CADPS: variants seen among roughly 807,000 people sequenced by gnomAD.
CADPS encodes calcium dependent secretion activator, also known as calcium-dependent secretion activator 1.
A neutral mutation model predicts 167.3 loss-of-function variants in CADPS; 57 were observed. The observed-to-expected ratio is 0.34, with a 90% CI of 0.28 to 0.42. CADPS has a LOEUF of 0.42. Among genes scored for constraint, CADPS ranks in the 20% least tolerant of loss-of-function variants. The pLI, the probability that CADPS is intolerant of heterozygous loss-of-function variation, is 1.00. For synonymous variants in CADPS, 676 were observed against 635.3 expected, an observed-to-expected ratio of 1.06 and a Z score of -0.96; for missense variants, 1,414 against 1,738.1, an observed-to-expected ratio of 0.81 and a Z score of 3.32.
chr3:62,659,192 G>T (rs1268209471), intron 4 of CADPS, among the ~76,000 whole-genome samples: 1 of 152,074 alleles, frequency 6.6e-6, no homozygotes, highest in African/African-American at 2.4e-5. Context: ...CAGCCATATG[G>T]GTTGAATTGC....
intron 1 of CADPS, among the ~76,000 whole-genome samples, chr3:62,772,285 A>C (rs1217001604): frequency 6.6e-6 from 1 of 151,824 alleles, no homozygotes; most frequent in Non-Finnish European, 1.5e-5. Flanking sequence ...TGGCCCTTCT[A>C]GTTTAGAGGC....
intron 8 of CADPS, among the ~76,000 whole-genome samples, chr3:62,576,132 G>C (rs1055140421): frequency 6.6e-6 from 1 of 152,170 alleles, no homozygotes; most frequent in African/African-American, 2.4e-5. Context: ...TATTTGTGTG[G>C]GCATTAGTGG....
chr3:62,715,992 G>A (rs1299426604), intron 3 of CADPS, among the ~76,000 whole-genome samples: 3 of 151,970 alleles, frequency 2.0e-5, no homozygotes, highest in South Asian at 2.1e-4. Flanking sequence ...TGATCCACCC[G>A]CCTCAGCCTC....
intron 8 of CADPS, among the ~76,000 whole-genome samples, chr3:62,576,286 C>T (rs6777532): frequency 6.6e-6 from 1 of 152,134 alleles, no homozygotes; most frequent in Non-Finnish European, 1.5e-5. Flanking sequence ...AGTGGGAATT[C>T]TGGCCCTGTC....
chr3:62,754,958 C>T (rs2152429389), intron 2 of CADPS, among the ~76,000 whole-genome samples: 1 of 152,298 alleles, frequency 6.6e-6, no homozygotes, highest in South Asian at 2.1e-4. Flanking sequence ...GAAATGTAAA[C>T]TCTACTTGGG....
chr3:62,807,822 G>A (rs1276611004), intron 1 of CADPS, among the ~76,000 whole-genome samples: 2 of 151,884 alleles, frequency 1.3e-5, no homozygotes, highest in Non-Finnish European at 2.9e-5. Flanking sequence ...TCAAGAGGGT[G>A]CTATTTCCCA....
chr3:62,415,521 C>T (rs1003000714), intron 28 of CADPS, among the ~76,000 whole-genome samples: 1 of 151,978 alleles, frequency 6.6e-6, no homozygotes, highest in African/African-American at 2.4e-5. Flanking sequence ...GCCGGCAACT[C>T]GACATTCAAA....
chr3:62,717,944 C>G (rs2084997987), intron 3 of CADPS, among the ~76,000 whole-genome samples: 2 of 152,176 alleles, frequency 1.3e-5, no homozygotes, highest in Non-Finnish European at 2.9e-5. Flanking sequence ...TTGCTGTTCC[C>G]TCTACCTGGA....
intron 8 of CADPS, among the ~76,000 whole-genome samples, chr3:62,582,755 A>G (rs141153456): frequency 5.3e-4 from 80 of 152,324 alleles, no homozygotes; most frequent in African/African-American, 1.9e-3. Flanking sequence ...AAGTCCAGCA[A>G]TATGAAATAG....
intron 24 of CADPS, among the ~76,000 whole-genome samples, chr3:62,468,214 T>C (rs921052987): frequency 6.6e-6 from 1 of 152,160 alleles, no homozygotes; most frequent in Non-Finnish European, 1.5e-5. Flanking sequence ...GGGCTCCAAA[T>C]TCATTTTTAG....
intron 3 of CADPS, among the ~76,000 whole-genome samples, chr3:62,713,615 G>T (rs2083835092): frequency 6.6e-6 from 1 of 152,240 alleles, no homozygotes; most frequent in African/African-American, 2.4e-5. Context: ...CTGCTCTGCT[G>T]CTGCTGTACC....
chr3:62,753,434 A>C lies in CADPS; in HGVS notation c.888+7T>G. ...ACAGCTCTAGGCCCAGGCGAGAAAC[A>C]CCTTACCTGGCAGGCATTGTAAAGG... On this transcript the variant is annotated splice_region_variant and intron_variant, in intron 3 of 29. Coordinates refer to ENST00000383710, the MANE Select transcript of CADPS (RefSeq NM_003716.4). The surrounding 1 kb of genome is among the most constrained non-coding windows in gnomAD (Gnocchi z 4.6). The C allele has an allele frequency of 6.2e-7, 1 of 1,600,812 alleles. No individual in the cohort carries two copies. Among genetic ancestry groups the C allele is most frequent in the Non-Finnish European group, 8.5e-7 (1 of 1,170,574 alleles).
chr3:62,865,473 GAATT>G (rs1181011319), intron 1 of CADPS, among the ~76,000 whole-genome samples: 2 of 150,978 alleles, frequency 1.3e-5, no homozygotes, highest in Admixed American at 1.3e-4. Flanking sequence ...AGCACGTGAT[GAATT>G]AATATTTTCC....
intron 5 of CADPS, among the ~76,000 whole-genome samples, chr3:62,647,881 A>T (rs13088049): frequency 0.26 from 38,935 of 152,114 alleles, 5,369 homozygotes; most frequent in East Asian, 0.5. Context: ...TTATGATGAA[A>T]AAGCACCTGG....
intron 6 of CADPS, among the ~76,000 whole-genome samples, chr3:62,640,999 T>C (rs2149951093): frequency 6.6e-6 from 1 of 152,316 alleles, no homozygotes; most frequent in South Asian, 2.1e-4. Flanking sequence ...CATTTCCGTA[T>C]ACCAAGATAC....
intron 1 of CADPS, among the ~76,000 whole-genome samples, chr3:62,839,358 T>G (rs1446286109): frequency 6.6e-6 from 1 of 151,978 alleles, no homozygotes; most frequent in Non-Finnish European, 1.5e-5. Context: ...GCCTGGCTAT[T>G]TTTTGTATTT....
At chr3:62,452,357 G>C (rs34539406) in intron 26 of CADPS, among the ~76,000 whole-genome samples, 55,615 of 151,534 alleles carry the variant, frequency 0.37, 11,621 homozygotes, top group East Asian at 0.53. Context: ...GAAAATACAA[G>C]TAACATTCAA....
intron 3 of CADPS, among the ~76,000 whole-genome samples, chr3:62,740,597 T>C (rs1320073631): frequency 6.6e-6 from 1 of 152,144 alleles, no homozygotes; most frequent in Non-Finnish European, 1.5e-5. Flanking sequence ...CCAGCTCACC[T>C]AATACCTTCT....
chr3:62,651,144 C>T (rs2070013369), intron 4 of CADPS, 64 bp from the exon 5 acceptor site: 2 of 1,157,278 alleles, frequency 1.7e-6, no homozygotes, highest in Non-Finnish European at 2.5e-6. Flanking sequence ...TAAAGAAGGT[C>T]TTTGTCCCAT....
Sources: gnomAD v4.1 joint callset for allele counts (sites outside exome capture counted in the v4.1 genomes callset) on GRCh38, gnomAD v4.1.1 for gene constraint, Gnocchi (gnomAD v3.1) non-coding constraint, MANE v1.5 for transcripts, NCBI Gene and HGNC (gene_info 2026-07-23, HGNC 2026-07-21) for gene names.